Variants in WDR35 observed in about 807,000 individuals in gnomAD.
WDR35 encodes WD repeat domain 35.
WDR35 carries 118 observed loss-of-function variants against 158.3 expected under a neutral mutation model. The ratio of observed to expected loss-of-function variants is 0.75; its 90% CI spans 0.64 to 0.87. WDR35 has a LOEUF of 0.87. Among genes scored for constraint, WDR35 ranks in the 40% least tolerant of loss-of-function variants. The probability of loss-of-function intolerance (pLI) is 0.00; values close to 1 mark genes in which losing one functional copy is unlikely to be tolerated. For missense variants in WDR35, 1,263 were observed against 1,405.8 expected, an observed-to-expected ratio of 0.90 and a Z score of 1.62; for synonymous variants, 448 against 476.1, an observed-to-expected ratio of 0.94 and a Z score of 0.77.
Position 19,956,861 on chromosome 2 carries a change from C to T in WDR35, c.1256-2883G>A, listed in dbSNP as rs1057302481. On this transcript the variant is annotated intron_variant, in intron 11 of 26. Transcript: ENST00000281405. ...GTCTCGATCTCCTGACCTCGTGATC[C>T]GCCCGTCTTGGCCTCCCAAAGTGCT... Among the ~76,000 whole-genome samples the T allele has an allele frequency of 6.6e-5, 10 of 152,172 alleles. No homozygotes were observed. The Middle Eastern group carries it at 0.014, about 207-fold the overall frequency.
chr2:19,938,230 C>T, intron 18 of WDR35, 35 bp downstream of exon 18: 1 of 1,613,798 alleles, frequency 6.2e-7, no homozygotes, highest in Non-Finnish European at 8.5e-7. Flanking sequence ...AAACCTACAC[C>T]TGACATCCTG....
intron 25 of WDR35, among the ~76,000 whole-genome samples, chr2:19,918,951 T>G (rs1670073548): frequency 6.6e-6 from 1 of 152,172 alleles, no homozygotes; most frequent in Admixed American, 6.5e-5. Flanking sequence ...TACATTCTTC[T>G]CAGCACCACA....
rs779773760 is a variant in WDR35 at position 19,954,000 on chromosome 2, T to A, written c.1256-22A>T. 2.5e-6 allele frequency: 4 copies of A among 1,613,644 alleles called. No homozygotes were observed. The East Asian group carries it at 6.7e-5, about 27-fold the overall frequency. On this transcript the variant is annotated intron_variant, in intron 11 of 26. Transcript: ENST00000281405. The stretch of plus-strand genomic sequence containing the variant: ...GGTACTGTTAAAAATAACATTAAGA[T>A]AATTTACAGTTACACAGAATTGCAG...
chr2:19,951,322 T>C (rs1671229186), intron 13 of WDR35, 93 bp downstream of exon 13: 9 of 1,167,092 alleles, frequency 7.7e-6, no homozygotes, highest in Non-Finnish European at 9.8e-6. Context: ...TCCTATTCAC[T>C]GGAAACAAAT....
At chr2:19,971,208 C>A (rs1672025358) in intron 8 of WDR35, among the ~76,000 whole-genome samples, 1 of 152,060 alleles carries the variant, frequency 6.6e-6, no homozygotes, top group African/African-American at 2.4e-5. Context: ...TTACTGGTAT[C>A]CCTTGTTCTA....
At chr2:19,963,812 C>T (rs974372883) in intron 10 of WDR35, among the ~76,000 whole-genome samples, 2 of 151,948 alleles carry the variant, frequency 1.3e-5, no homozygotes. Context: ...TGGCACATCT[C>T]GGCTCACTGC....
intron 18 of WDR35, 151 bp from the exon 19 acceptor site, chr2:19,938,097 T>A (rs1670759071): frequency 2.9e-6 from 4 of 1,381,290 alleles, no homozygotes; most frequent in Non-Finnish European, 3.0e-6. Context: ...AATAATTTTC[T>A]GCTTATTTTG....
intron 17 of WDR35, among the ~76,000 whole-genome samples, chr2:19,941,516 A>C (rs1368939289): frequency 6.6e-6 from 1 of 152,194 alleles, no homozygotes; most frequent in African/African-American, 2.4e-5. Flanking sequence ...TAGTATTATT[A>C]TCTGTATTTT....
intron 22 of WDR35, among the ~76,000 whole-genome samples, 173 bp downstream of exon 22, chr2:19,933,228 C>T (rs1409062978): frequency 1.3e-5 from 2 of 152,214 alleles, no homozygotes; most frequent in South Asian, 2.1e-4. Flanking sequence ...CAACTTTCTT[C>T]ATCCTCAATT....
At chr2:19,982,561 T>C in intron 2 of WDR35, 27 bp from the exon 3 acceptor site, 6 of 1,606,328 alleles carry the variant, frequency 3.7e-6, no homozygotes, top group South Asian at 1.1e-5. Context: ...CAAACTACTA[T>C]GATAAATATG....
At chr2:19,954,065 C>T in intron 11 of WDR35, 87 bp from the exon 12 acceptor site, 1 of 1,489,324 alleles carries the variant, frequency 6.7e-7, no homozygotes, top group East Asian at 2.3e-5. Context: ...TCACGGAGTT[C>T]AACCCCTCAT....
intron 22 of WDR35, 85 bp from the exon 23 acceptor site, chr2:19,932,532 A>G: frequency 6.5e-7 from 1 of 1,548,850 alleles, no homozygotes; most frequent in Non-Finnish European, 8.8e-7. Flanking sequence ...CTTTAAGTTT[A>G]TAGTAAAAAC....
intron 17 of WDR35, among the ~76,000 whole-genome samples, chr2:19,939,149 C>A (rs1045190818): frequency 6.6e-6 from 1 of 151,998 alleles, no homozygotes; most frequent in Non-Finnish European, 1.5e-5. Flanking sequence ...TGAAATCCAG[C>A]CAACTAAAAG....
intron 9 of WDR35, among the ~76,000 whole-genome samples, 162 bp from the exon 10 acceptor site, chr2:19,967,071 C>A (rs1347420344): frequency 3.3e-5 from 5 of 152,212 alleles, no homozygotes; most frequent in African/African-American, 1.2e-4. Flanking sequence ...ACAGATTCAA[C>A]CTTTTATAAA....
At chr2:19,926,126 G>A (rs1467864651) in intron 25 of WDR35, among the ~76,000 whole-genome samples, 1 of 152,222 alleles carries the variant, frequency 6.6e-6, no homozygotes, top group Non-Finnish European at 1.5e-5. Context: ...TGACTTAAGA[G>A]CCATCAATTC....
intron 17 of WDR35, among the ~76,000 whole-genome samples, chr2:19,939,574 A>G (rs908536688): frequency 6.6e-6 from 1 of 152,182 alleles, no homozygotes; most frequent in African/African-American, 2.4e-5. Context: ...TCATTTTTAT[A>G]AAATTACTTC....
At chr2:19,949,426 T>C (rs1425525036) in intron 13 of WDR35, among the ~76,000 whole-genome samples, 4 of 152,176 alleles carry the variant, frequency 2.6e-5, no homozygotes, top group Non-Finnish European at 5.9e-5. Context: ...AGAAGTATAA[T>C]AAATGGATTG....
At chr2:19,954,425 TGAAAA>T (rs1013636569) in intron 11 of WDR35, among the ~76,000 whole-genome samples, 3 of 152,220 alleles carry the variant, frequency 2.0e-5, no homozygotes, top group African/African-American at 7.2e-5. Context: ...ATCGTGTATC[TGAAAA>T]GAAATTTTAT....
intron 2 of WDR35, among the ~76,000 whole-genome samples, chr2:19,986,893 G>A (rs1013249344): frequency 3.3e-5 from 5 of 152,150 alleles, no homozygotes; most frequent in South Asian, 2.1e-4. Context: ...CACACTCTTC[G>A]ATCCAGTGAA....
Sources: allele counts gnomAD v4.1 joint callset (sites outside exome capture counted in the v4.1 genomes callset), GRCh38; gene constraint gnomAD v4.1.1; transcripts MANE v1.5; gene names NCBI Gene and HGNC (gene_info 2026-07-23, HGNC 2026-07-21).